The following NTN1 variants were observed in gnomAD, a reference collection of about 807,000 sequenced individuals.
NTN1 encodes netrin-1.
Under a neutral mutation model 54.2 loss-of-function variants are expected in NTN1, and 11 were observed. The observed-to-expected ratio is 0.20, with a 90% CI of 0.13 to 0.34. NTN1 has a LOEUF of 0.34. NTN1 is among the 10% of genes least tolerant of loss of function. The pLI is 1.00. For missense variants in NTN1, 740 were observed against 893.1 expected (o/e 0.83, Z 2.18); for synonymous variants, 371 against 382.0 (o/e 0.97, Z 0.33).
chr17:9,054,282 C>T (rs1023079908), intron 2 of NTN1, among the ~76,000 whole-genome samples: 4 of 152,122 alleles, frequency 2.6e-5, no homozygotes, highest in African/African-American at 9.7e-5. Context: ...CCCGAAGAGC[C>T]GAGATGTTAA....
At chr17:9,193,807 A>G (rs1277305538) in intron 5 of NTN1, among the ~76,000 whole-genome samples, 4 of 150,180 alleles carry the variant, frequency 2.7e-5, no homozygotes, top group African/African-American at 9.8e-5. Flanking sequence ...CTGTAACCCC[A>G]GCTACTTGGG....
At chr17:9,004,500 G>C in the NTN1 span, among the ~76,000 whole-genome samples, 15 of 152,324 alleles carry the variant, frequency 9.8e-5, no homozygotes, top group Admixed American at 9.8e-4. Context: ...TTCTGGATCC[G>C]GTGACGCGCT....
the NTN1 span, among the ~76,000 whole-genome samples, chr17:9,012,262 A>C: frequency 1.3e-5 from 2 of 152,196 alleles, no homozygotes; most frequent in South Asian, 4.1e-4. Context: ...CTGTAATCCC[A>C]GCACTTTGGG....
In NTN1 at chr17:9,022,682, C is replaced by A; in HGVS notation, c.309C>A (p.His103Gln). The stretch of plus-strand genomic sequence containing the variant: ...ACGCGTCCGACCCCAAGAAGGCGCA[C>A]CCGCCCGCCTTCCTCACCGACCTCA... ...LCNASDPKKA[H>Q]PPAFLTDLNN... The change falls in exon 2 of 7, where the codon CAC becomes CAA. Residue 103 changes from histidine to glutamine, a missense_variant. Physicochemically the swap from His to Gln is conservative, Grantham distance 24. Transcript: ENST00000173229. 5 of 1,584,420 alleles carry A rather than the reference C, an allele frequency of 3.2e-6. No homozygotes were observed. The highest frequency in any genetic ancestry group is 4.3e-6 in the Non-Finnish European group (5 of 1,166,780).
chr17:9,057,203 CA>C (rs1452099114), intron 2 of NTN1, among the ~76,000 whole-genome samples: 3 of 151,462 alleles, frequency 2.0e-5, no homozygotes, highest in African/African-American at 7.3e-5. Context: ...TCAGCATGAC[CA>C]AAGGACCCCT....
intron 5 of NTN1, among the ~76,000 whole-genome samples, chr17:9,208,462 C>G (rs1905023940): frequency 6.6e-6 from 1 of 152,154 alleles, no homozygotes; most frequent in Admixed American, 6.5e-5. Context: ...CTGCACTGTG[C>G]TAGGTGCTGG....
At chr17:9,092,464 T>G in intron 2 of NTN1, among the ~76,000 whole-genome samples, 1 of 147,738 alleles carries the variant, frequency 6.8e-6, no homozygotes. Flanking sequence ...ATTTTTGTAT[T>G]TTTTTAGTAG....
chr17:9,086,526 G>T (rs1200874172), intron 2 of NTN1, among the ~76,000 whole-genome samples: 1 of 152,152 alleles, frequency 6.6e-6, no homozygotes, highest in African/African-American at 2.4e-5. Context: ...GGCTGTGAGA[G>T]GTTAGAACGG....
At chr17:9,175,028 C>T (rs1012119943) in intron 3 of NTN1, 5 of 152,340 alleles carry the variant, frequency 3.3e-5, no homozygotes, top group African/African-American at 1.2e-4. Context: ...CCTCAAGAGC[C>T]CCTGGAGCCA....
chr17:9,231,298 G>A (rs1028241480), intron 6 of NTN1, among the ~76,000 whole-genome samples: 1 of 104,372 alleles, frequency 9.6e-6, no homozygotes, highest in Admixed American at 9.1e-5. Context: ...GGGTACCCGG[G>A]GGGGGACCCC....
chr17:9,037,292 C>G (rs1031040577), intron 2 of NTN1, among the ~76,000 whole-genome samples: 1 of 152,152 alleles, frequency 6.6e-6, no homozygotes, highest in Admixed American at 6.5e-5. Flanking sequence ...TTCCTATAGT[C>G]TTTGTTAGTT....
the NTN1 span, among the ~76,000 whole-genome samples, chr17:9,008,909 T>C: frequency 1.1e-4 from 17 of 152,018 alleles, no homozygotes; most frequent in African/African-American, 3.1e-4. Context: ...GGCATGGTGG[T>C]GGATGCCTGT....
intron 2 of NTN1, among the ~76,000 whole-genome samples, chr17:9,111,398 T>A (rs951332275): frequency 2.0e-5 from 3 of 152,158 alleles, no homozygotes; most frequent in Non-Finnish European, 2.9e-5. Context: ...AGAGAATAGC[T>A]AGCCTAAAAG....
chr17:9,169,323 C>G (rs1468995233), intron 3 of NTN1, among the ~76,000 whole-genome samples: 1 of 152,216 alleles, frequency 6.6e-6, no homozygotes, highest in Non-Finnish European at 1.5e-5. Flanking sequence ...AGTTTGTGAT[C>G]TGGTGACTCA....
intron 2 of NTN1, among the ~76,000 whole-genome samples, chr17:9,078,321 C>T (rs1352939770): frequency 1.3e-5 from 2 of 152,082 alleles, no homozygotes; most frequent in Non-Finnish European, 2.9e-5. Flanking sequence ...GCAGTGGGAT[C>T]GTTAGGAACA....
At chr17:9,151,054 C>G (rs1436322699) in intron 2 of NTN1, among the ~76,000 whole-genome samples, 1 of 152,078 alleles carries the variant, frequency 6.6e-6, no homozygotes, top group African/African-American at 2.4e-5. Flanking sequence ...AGTTGGTCCC[C>G]CCTGGACATT....
intron 5 of NTN1, among the ~76,000 whole-genome samples, chr17:9,197,624 C>T (rs1170577389): frequency 2.0e-5 from 3 of 146,676 alleles, no homozygotes; most frequent in Admixed American, 6.9e-5. Context: ...CACAGCACTG[C>T]ACTCCGGCCT....
upstream of NTN1, among the ~76,000 whole-genome samples, chr17:9,020,714 G>A (rs1346320939): frequency 1.3e-5 from 2 of 152,204 alleles, no homozygotes; most frequent in Non-Finnish European, 2.9e-5. Context: ...CCTGCCTCAG[G>A]GGATCTGGGG....
intron 2 of NTN1, among the ~76,000 whole-genome samples, chr17:9,053,716 C>A (rs957740289): frequency 1.3e-5 from 2 of 152,216 alleles, no homozygotes; most frequent in African/African-American, 2.4e-5. Context: ...GAGACAGCCA[C>A]CTTCGGCTTC....
Sources: gnomAD v4.1 joint callset for allele counts (sites outside exome capture counted in the v4.1 genomes callset) on GRCh38, gnomAD v4.1.1 for gene constraint, MANE v1.5 for transcripts, NCBI Gene and HGNC (gene_info 2026-07-23, HGNC 2026-07-21) for gene names.